SKA3: variants seen among roughly 807,000 people sequenced by gnomAD.
SKA3 encodes spindle and kinetochore associated complex subunit 3.
SKA3 carries 39 observed loss-of-function variants against 44.2 expected under a neutral mutation model. That is an observed-to-expected ratio of 0.88 (90% CI 0.68 to 1.15). The LOEUF (loss-of-function observed/expected upper bound fraction) is 1.15, where lower values mean the gene tolerates loss of function less well. Among genes scored for constraint, SKA3 ranks in the 50% most tolerant of loss-of-function variants. SKA3 has a pLI of 0.00. For missense variants in SKA3, 511 were observed against 485.8 expected, an observed-to-expected ratio of 1.05 and a Z score of -0.49; for synonymous variants, 192 against 172.0, an observed-to-expected ratio of 1.12 and a Z score of -0.91.
intron 4 of SKA3, among the ~76,000 whole-genome samples, chr13:21,164,774 C>G (rs905871534): frequency 3.3e-5 from 5 of 151,870 alleles, no homozygotes; most frequent in African/African-American, 1.2e-4. Flanking sequence ...GAGGCGGGAT[C>G]TAGCTATGTT....
intron 4 of SKA3, among the ~76,000 whole-genome samples, chr13:21,162,131 G>A (rs1270410455): frequency 6.6e-6 from 1 of 152,066 alleles, no homozygotes; most frequent in African/African-American, 2.4e-5. Context: ...TCCTAAAGTG[G>A]AATTTTATAA....
In SKA3 at chr13:21,175,346, G is replaced by T. The variant is rs976289582; in HGVS notation, c.103+1029C>A. Among the ~76,000 whole-genome samples, 17 of 151,002 alleles carry T rather than the reference G, an allele frequency of 1.1e-4. 1 individual carries two copies. The highest frequency in any genetic ancestry group is 3.9e-4 in the African/African-American group (16 of 40,602). ...AGGCTGGAGTGCAGTGGCGGATCTCGGCTCACTGCAAGTTCCGCCTCCCGG... is the reference window on the plus strand; with the variant it reads ...AGGCTGGAGTGCAGTGGCGGATCTCTGCTCACTGCAAGTTCCGCCTCCCGG... On this transcript the variant is annotated intron_variant, in intron 1 of 8. Coordinates refer to ENST00000314759, the MANE Select transcript of SKA3 (RefSeq NM_145061.6).
At chr13:21,175,195 C>A (rs1473257218) in intron 1 of SKA3, among the ~76,000 whole-genome samples, 2 of 151,594 alleles carry the variant, frequency 1.3e-5, no homozygotes, top group Non-Finnish European at 2.9e-5. Flanking sequence ...CCAGGCTGGT[C>A]TTGAACTCCT....
At chr13:21,164,365 C>T (rs1870593925) in intron 4 of SKA3, among the ~76,000 whole-genome samples, 1 of 152,110 alleles carries the variant, frequency 6.6e-6, no homozygotes, top group African/African-American at 2.4e-5. Flanking sequence ...TTCCAATTCT[C>T]CCCATTTAAA....
In SKA3 at chr13:21,159,953, T is replaced by C; in HGVS notation, c.864A>G (p.Thr288=). The part of the protein sequence containing the change: ...AEYTNSPLVP[T]FCTPGLKIPS... ...GAATTTTCAAACCAGGAGTACAGAA[T>C]GTAGGTACCAAAGGAGAGTTGGTAT... Residue 288 remains threonine, a synonymous_variant, in exon 6 of 9, where the codon ACA becomes ACG. Coordinates refer to ENST00000314759, the MANE Select transcript of SKA3 (RefSeq NM_145061.6). 1 of 1,608,982 alleles carries C rather than the reference T, an allele frequency of 6.2e-7. No homozygotes were observed. Among genetic ancestry groups the C allele is most frequent in the Non-Finnish European group, 8.5e-7 (1 of 1,178,164 alleles).
Position 21,172,223 on chromosome 13 carries a change from G to A in SKA3, c.331+116C>T, listed in dbSNP as rs1292506375. 59 of 574,026 alleles carry A rather than the reference G, an allele frequency of 1.0e-4. No individual in the cohort carries two copies. The South Asian group carries it at 1.3e-3, about 13-fold the overall frequency. 35.6% of individuals were successfully genotyped at this position (574,026 alleles called of 1,614,324 possible). A position where few individuals can be genotyped will look rare whatever the true frequency, so the allele number is the denominator to read the frequency against. Reference sequence around the variant, plus strand: ...TTGACTAAATATTTATCAAATAAGCGTCAGATAACAACAGAGCTAGAACTA... The same window carrying A: ...TTGACTAAATATTTATCAAATAAGCATCAGATAACAACAGAGCTAGAACTA... On this transcript the variant is annotated intron_variant, in intron 3 of 8. Transcript: ENST00000314759.
intron 4 of SKA3, among the ~76,000 whole-genome samples, 198 bp from the exon 5 acceptor site, chr13:21,162,073 A>G (rs1271308437): frequency 6.6e-6 from 1 of 152,222 alleles, no homozygotes; most frequent in African/African-American, 2.4e-5. Context: ...CACTAAGTTC[A>G]ACTTATTAGT....
rs1870072886 is a variant in SKA3 at position 21,155,681 on chromosome 13, T to C, written c.1238+12A>G. ...AACACATGAACTTTCTTTACAAAGG[T>C]AACATACTCACCAGTTTTCTTTGTT... On this transcript the variant is annotated intron_variant, in intron 8 of 8. Transcript: ENST00000314759. 3 of 1,065,386 alleles carry C rather than the reference T, an allele frequency of 2.8e-6. No individual in the cohort carries two copies. In the East Asian group the frequency reaches 1.2e-4, roughly 43 times the overall value. The allele number at this position is 1,065,386 out of a possible 1,614,324, so 66.0% of individuals were successfully genotyped here.
chr13:21,171,712 T>A (rs1302715764), intron 3 of SKA3, among the ~76,000 whole-genome samples: 1 of 152,126 alleles, frequency 6.6e-6, no homozygotes, highest in African/African-American at 2.4e-5. Context: ...TACAATCTCA[T>A]GAGATAGATA....
chr13:21,157,861 A>C (rs1870199130), intron 7 of SKA3, 61 bp downstream of exon 7: 7 of 1,065,602 alleles, frequency 6.6e-6, no homozygotes, highest in Non-Finnish European at 5.0e-6. Context: ...TCAGGTCTTT[A>C]AATATTTCAT....
At chr13:21,163,478 T>A (rs916080482) in intron 4 of SKA3, among the ~76,000 whole-genome samples, 2 of 152,228 alleles carry the variant, frequency 1.3e-5, no homozygotes, top group Non-Finnish European at 2.9e-5. Context: ...AAGGCTTTTA[T>A]ATACACTGAC....
chr13:21,169,792 A>T (rs1306997861), intron 3 of SKA3, among the ~76,000 whole-genome samples: 1 of 152,006 alleles, frequency 6.6e-6, no homozygotes, highest in Non-Finnish European at 1.5e-5. Context: ...ATGTGCCACC[A>T]TGCCCAGATA....
rs1273769023 is a variant in SKA3 at position 21,172,650 on chromosome 13, A to G, written c.135T>C (p.Tyr45=). 1.3e-6 allele frequency: 2 copies of G among 1,584,026 alleles called. No homozygotes were observed. Among genetic ancestry groups the G allele is most frequent in the Non-Finnish European group, 1.7e-6 (2 of 1,162,246 alleles). Reference sequence around the variant, plus strand: ...GAGTCTGAACTTCTGAATGAAGGTCATATAAAATTCTCATTGGATAATCTT... The same window carrying G: ...GAGTCTGAACTTCTGAATGAAGGTCGTATAAAATTCTCATTGGATAATCTT... ...DFEDYPMRIL[Y]DLHSEVQTLK... Residue 45 remains tyrosine (Y), a synonymous_variant, in exon 2 of 9, where the codon TAT becomes TAC. Coordinates refer to ENST00000314759, the MANE Select transcript of SKA3 (RefSeq NM_145061.6).
intron 1 of SKA3, among the ~76,000 whole-genome samples, chr13:21,173,643 G>A (rs148781075): frequency 2.6e-5 from 4 of 152,194 alleles, no homozygotes; most frequent in Non-Finnish European, 5.9e-5. Context: ...ACTCTTTTGC[G>A]ACTGGCTTCT....
At position 21,176,547 on chromosome 13, in the gene SKA3, T is replaced by C. The variant is rs1871552476; in HGVS notation, c.-70A>G. On this transcript the variant is annotated 5_prime_UTR_variant, in exon 1 of 9. Coordinates refer to ENST00000314759, the MANE Select transcript of SKA3 (RefSeq NM_145061.6). ...CGCTCAGCTCACAGCCTCCCGCCACTAGTTTGAATCTCGGCGCCGGACGCG... is the reference window on the plus strand; with the variant it reads ...CGCTCAGCTCACAGCCTCCCGCCACCAGTTTGAATCTCGGCGCCGGACGCG... 2 of 1,240,370 alleles carry C rather than the reference T, an allele frequency of 1.6e-6. No homozygotes were observed. Among genetic ancestry groups the C allele is most frequent in the East Asian group, 2.8e-5 (1 of 35,342 alleles). 76.8% of individuals were successfully genotyped at this position (1,240,370 alleles called of 1,614,324 possible).
rs1283574448 is a variant in SKA3 at position 21,172,653 on chromosome 13, T to C, written c.132A>G (p.Leu44=). 2 of 1,582,432 alleles carry C rather than the reference T, an allele frequency of 1.3e-6. No homozygotes were observed. The highest frequency in any genetic ancestry group is 1.1e-5 in the South Asian group (1 of 87,100). ...SDFEDYPMRI[L]YDLHSEVQTL... ...TCTGAACTTCTGAATGAAGGTCATA[T>C]AAAATTCTCATTGGATAATCTTCAA... The change falls in exon 2 of 9, where the codon TTA becomes TTG. Residue 44 remains leucine, a synonymous_variant. Coordinates refer to ENST00000314759, the MANE Select transcript of SKA3 (RefSeq NM_145061.6).
Position 21,176,471 on chromosome 13 carries a change from G to C in SKA3, c.7C>G (p.Pro3Ala). The change falls in exon 1 of 9, where the codon CCT (proline) becomes GCT (alanine). Residue 3 changes from proline (P) to alanine (A), a missense_variant. Transcript: ENST00000314759. MD[P>A]IRSFCGKLRS... The stretch of plus-strand genomic sequence containing the variant: ...AGCTTCCCGCAGAAGCTCCGGATAG[G>C]GTCCATGCTGAGCACAGCGGGGAAG... 6.4e-7 allele frequency: 1 copy of C among 1,559,216 alleles called. No individual in the cohort carries two copies. Among genetic ancestry groups the C allele is most frequent in the East Asian group, 2.3e-5 (1 of 42,702 alleles).
intron 4 of SKA3, among the ~76,000 whole-genome samples, chr13:21,163,965 T>C (rs1466662980): frequency 1.3e-5 from 2 of 151,860 alleles, no homozygotes; most frequent in Admixed American, 6.6e-5. Context: ...GGTTTCACCA[T>C]GTTGGCTAGG....
chr13:21,167,665 G>A (rs1361945337), intron 4 of SKA3, among the ~76,000 whole-genome samples: 6 of 151,718 alleles, frequency 4.0e-5, no homozygotes, highest in African/African-American at 1.5e-4. Context: ...TACTCGGGAG[G>A]GTGAGGCAGG....
Sources: allele counts gnomAD v4.1 joint callset (sites outside exome capture counted in the v4.1 genomes callset), GRCh38; gene constraint gnomAD v4.1.1; transcripts MANE v1.5; gene names NCBI Gene and HGNC (gene_info 2026-07-23, HGNC 2026-07-21).